The following SCAPER variants were observed in gnomAD, a reference collection of about 807,000 sequenced individuals.
SCAPER encodes S phase cyclin A-associated protein in the endoplasmic reticulum.
Under a neutral mutation model 182.2 loss-of-function variants are expected in SCAPER, and 98 were observed. That is an observed-to-expected ratio of 0.54 (90% CI 0.46 to 0.64). The LOEUF (loss-of-function observed/expected upper bound fraction) is 0.64, where lower values mean the gene tolerates loss of function less well. Ranked by LOEUF, SCAPER falls within the 30% of genes least tolerant of loss-of-function variation. The probability of loss-of-function intolerance (pLI) is 0.00; values close to 1 mark genes in which losing one functional copy is unlikely to be tolerated. For missense variants in SCAPER, 1,432 were observed against 1,690.0 expected (o/e 0.85, Z 2.68); for synonymous variants, 605 against 564.6 (o/e 1.07, Z -1.01).
intron 5 of SCAPER, among the ~76,000 whole-genome samples, chr15:76,823,846 G>A (rs1474661325): frequency 2.0e-5 from 3 of 150,438 alleles, no homozygotes; most frequent in Non-Finnish European, 4.4e-5. Flanking sequence ...CTACATTAAG[G>A]TACAAAAAGA....
At chr15:76,885,893 A>G (rs1024556647) in intron 1 of SCAPER, among the ~76,000 whole-genome samples, 2 of 152,256 alleles carry the variant, frequency 1.3e-5, no homozygotes, top group Admixed American at 1.3e-4. Context: ...AAAGAAGACT[A>G]AACATTCATC....
chr15:76,800,271 A>G lies in SCAPER; in HGVS notation c.588T>C (p.Asn196=), dbSNP rs774797907. ...ACCCAAAATTTAAGCTTCGTCGAGC[A>G]TTTGATGTTACATTTATTCTATCTG... ...PSTDRINVTS[N]ARRSLNFGGS... The change falls in exon 7 of 32, where the codon AAT becomes AAC. Residue 196 remains asparagine, a synonymous_variant. Coordinates refer to ENST00000563290, the MANE Select transcript of SCAPER (RefSeq NM_020843.4). 1.9e-6 allele frequency: 3 copies of G among 1,612,106 alleles called. No individual in the cohort carries two copies. The highest frequency in any genetic ancestry group is 1.3e-5 in the African/African-American group (1 of 74,864).
At chr15:76,647,615 A>T (rs1402727855) in intron 21 of SCAPER, among the ~76,000 whole-genome samples, 1 of 152,204 alleles carries the variant, frequency 6.6e-6, no homozygotes, top group African/African-American at 2.4e-5. Context: ...GTATGCAGAG[A>T]AGGTCTACAA....
rs560985419 is a variant in SCAPER at position 76,435,821 on chromosome 15, A to G, written c.3079-1511T>C. 4.6e-5 allele frequency among the ~76,000 whole-genome samples: 7 copies of G among 152,346 alleles called. 1 individual carries two copies. The highest frequency in any genetic ancestry group is 1.7e-4 in the African/African-American group (7 of 41,596). On this transcript the variant is annotated intron_variant, in intron 25 of 31. Coordinates refer to ENST00000563290, the MANE Select transcript of SCAPER (RefSeq NM_020843.4). ...TGCTCCATTGTTTTCCACTTCAAGC[A>G]TGGCTGTTTAGAAGTCTCTAATTCC...
chr15:76,348,856 C>T (rs1199885968), intron 31 of SCAPER, 120 bp from the exon 32 acceptor site: 8 of 605,408 alleles, frequency 1.3e-5, no homozygotes, highest in Non-Finnish European at 2.0e-5. Flanking sequence ...TTCAAATAAA[C>T]CATGACACAA....
Position 76,722,856 on chromosome 15 carries a change from T to C in SCAPER, c.2165+5739A>G, listed in dbSNP as rs576234559. ...AGTCTTGCTAGCAGTCTATCGATTT[T>C]GCTGATCTTTTAAAAAAACAGGCTC... On this transcript the variant is annotated intron_variant, in intron 17 of 31. Transcript: ENST00000563290. 5.7e-4 allele frequency among the ~76,000 whole-genome samples: 87 copies of C among 152,292 alleles called. No individual in the cohort carries two copies. In the South Asian group the frequency reaches 0.017, roughly 30 times the overall value.
intron 20 of SCAPER, among the ~76,000 whole-genome samples, chr15:76,698,288 A>T (rs555452128): frequency 6.6e-6 from 1 of 152,144 alleles, no homozygotes; most frequent in African/African-American, 2.4e-5. Flanking sequence ...CACTCTGTAT[A>T]AACTTTTCAT....
chr15:76,626,233 T>C, intron 21 of SCAPER, among the ~76,000 whole-genome samples: 1 of 152,102 alleles, frequency 6.6e-6, no homozygotes, highest in Middle Eastern at 3.2e-3. Flanking sequence ...ACACACTAGA[T>C]GCCTCTAGTC....
intron 25 of SCAPER, among the ~76,000 whole-genome samples, chr15:76,467,131 T>C (rs1309123649): frequency 6.6e-6 from 1 of 152,194 alleles, no homozygotes; most frequent in African/African-American, 2.4e-5. Context: ...GCCATGATTG[T>C]AAGTTTCTCA....
chr15:76,781,121 A>C (rs1404426346), intron 8 of SCAPER, among the ~76,000 whole-genome samples: 2 of 152,230 alleles, frequency 1.3e-5, no homozygotes, highest in Non-Finnish European at 2.9e-5. Context: ...ACCCAACATA[A>C]GGAAGCTAAA....
chr15:76,782,152 C>CAGAG (rs1270010713), intron 8 of SCAPER, among the ~76,000 whole-genome samples: 1 of 151,996 alleles, frequency 6.6e-6, no homozygotes, highest in Non-Finnish European at 1.5e-5. Flanking sequence ...ATCTCATGTG[C>CAGAG]AGAGACACAC....
chr15:76,875,863 C>T (rs1335021749), intron 2 of SCAPER, among the ~76,000 whole-genome samples: 1 of 152,144 alleles, frequency 6.6e-6, no homozygotes, highest in African/African-American at 2.4e-5. Context: ...CTGCAAAGAG[C>T]GAAAGAGCAG....
intron 23 of SCAPER, among the ~76,000 whole-genome samples, chr15:76,569,383 T>C (rs975015676): frequency 4.6e-5 from 7 of 152,182 alleles, no homozygotes; most frequent in Non-Finnish European, 1.0e-4. Flanking sequence ...CTTGAATAAA[T>C]CCAACTTTGT....
At chr15:76,859,923 C>T (rs1157943941) in intron 3 of SCAPER, among the ~76,000 whole-genome samples, 3 of 152,028 alleles carry the variant, frequency 2.0e-5, no homozygotes, top group Admixed American at 6.6e-5. Context: ...ACCATGTTGC[C>T]CAGGCTGGTC....
intron 21 of SCAPER, among the ~76,000 whole-genome samples, chr15:76,664,741 A>T (rs2056442853): frequency 6.6e-6 from 1 of 152,194 alleles, no homozygotes; most frequent in Non-Finnish European, 1.5e-5. Context: ...ATACACCGTA[A>T]AACTATTCTG....
intron 25 of SCAPER, among the ~76,000 whole-genome samples, chr15:76,455,357 T>C (rs1169205270): frequency 1.3e-5 from 2 of 152,260 alleles, no homozygotes; most frequent in Non-Finnish European, 2.9e-5. Context: ...TCTCTAAATT[T>C]CTAAATGTAT....
intron 24 of SCAPER, among the ~76,000 whole-genome samples, chr15:76,482,911 GTT>G (rs2051266731): frequency 6.6e-6 from 1 of 152,078 alleles, no homozygotes. Context: ...ACTCAATAAT[GTT>G]AAGATGTCAG....
intron 23 of SCAPER, among the ~76,000 whole-genome samples, chr15:76,552,782 G>A (rs1322168316): frequency 6.6e-6 from 1 of 152,084 alleles, no homozygotes; most frequent in African/African-American, 2.4e-5. Context: ...CTGCTAGATG[G>A]CTTTAGCCTT....
chr15:76,668,637 T>C (rs2056794480), intron 20 of SCAPER, among the ~76,000 whole-genome samples: 1 of 152,202 alleles, frequency 6.6e-6, no homozygotes, highest in Non-Finnish European at 1.5e-5. Context: ...CCCTCTATTA[T>C]TTGTCATCTC....
Sources: allele counts gnomAD v4.1 joint callset (sites outside exome capture counted in the v4.1 genomes callset), GRCh38; gene constraint gnomAD v4.1.1; transcripts MANE v1.5; gene names NCBI Gene and HGNC (gene_info 2026-07-23, HGNC 2026-07-21).